KLHL3: variants seen among roughly 807,000 people sequenced by gnomAD.
The protein encoded by KLHL3 is kelch like family member 3, also known as kelch-like protein 3.
Under a neutral mutation model 70.5 loss-of-function variants are expected in KLHL3, and 19 were observed. The observed-to-expected ratio is 0.27, with a 90% CI of 0.19 to 0.40. The LOEUF (loss-of-function observed/expected upper bound fraction) is 0.40, where lower values mean the gene tolerates loss of function less well. Ranked by LOEUF, KLHL3 falls within the 10% of genes least tolerant of loss-of-function variation. The pLI, the probability that KLHL3 is intolerant of heterozygous loss-of-function variation, is 1.00. For missense variants in KLHL3, 512 were observed against 771.1 expected, an observed-to-expected ratio of 0.66 and a Z score of 3.98; for synonymous variants, 258 against 290.3, an observed-to-expected ratio of 0.89 and a Z score of 1.13.
chr5:137,635,499 G>A (rs770042931), intron 11 of KLHL3, among the ~76,000 whole-genome samples: 3 of 152,114 alleles, frequency 2.0e-5, no homozygotes, highest in South Asian at 2.1e-4. Context: ...GGTATTCTTC[G>A]AGGCAGCCAG....
intron 5 of KLHL3, among the ~76,000 whole-genome samples, chr5:137,681,699 T>C (rs889364077): frequency 5.3e-5 from 8 of 152,030 alleles, no homozygotes; most frequent in African/African-American, 1.9e-4. Flanking sequence ...CCTTGAAGGG[T>C]AACTCTCCAA....
intron 8 of KLHL3, among the ~76,000 whole-genome samples, chr5:137,654,901 T>C (rs1175195818): frequency 6.6e-6 from 1 of 152,188 alleles, no homozygotes. Context: ...ACAGGGGTGA[T>C]GGTGGAGCAG....
chr5:137,677,610 G>A lies in KLHL3; in HGVS notation c.571C>T (p.Leu191=). The change falls in exon 6 of 15, where the codon CTG becomes TTG. Residue 191 remains leucine (L), a synonymous_variant. Coordinates refer to ENST00000309755, the MANE Select transcript of KLHL3 (RefSeq NM_017415.3). The part of the protein sequence containing the change: ...EVMLGEEFLS[L]SLDQVCSLIS... Reference sequence around the variant, plus strand: ...AAGCTGCACACCTGGTCCAGACTCAGGCTAAGAAATTCTTCTCCTAGCATC... The same window carrying A: ...AAGCTGCACACCTGGTCCAGACTCAAGCTAAGAAATTCTTCTCCTAGCATC... 1 of 1,610,064 alleles carries A rather than the reference G, an allele frequency of 6.2e-7. No homozygotes were observed. The highest frequency in any genetic ancestry group is 8.5e-7 in the Non-Finnish European group (1 of 1,178,394).
chr5:137,672,743 C>G (rs1053344007), intron 6 of KLHL3: 1 of 152,188 alleles, frequency 6.6e-6, no homozygotes, highest in Non-Finnish European at 1.5e-5. Context: ...AAACTGCACT[C>G]GAACTCAGGA....
Position 137,631,384 on chromosome 5 carries a change from C to T in KLHL3, c.1450+2653G>A, listed in dbSNP as rs528754318. Among the ~76,000 whole-genome samples, 119 of 152,244 alleles carry T rather than the reference C, an allele frequency of 7.8e-4. 1 individual carries two copies. Among genetic ancestry groups the T allele is most frequent in the African/African-American group, 2.7e-3 (111 of 41,526 alleles). On this transcript the variant is annotated intron_variant, in intron 12 of 14. Coordinates refer to ENST00000309755, the MANE Select transcript of KLHL3 (RefSeq NM_017415.3). The stretch of plus-strand genomic sequence containing the variant: ...TCTGACAAAAAGTAGAAGTGGAAAA[C>T]CTTTTGAAAAGTCATTTTCTTCACA...
chr5:137,672,007 T>A (rs1301721398), intron 6 of KLHL3: 1 of 152,252 alleles, frequency 6.6e-6, no homozygotes, highest in East Asian at 1.9e-4. Context: ...TGGTTGGTCA[T>A]GGTAGATTTG....
intron 1 of KLHL3, among the ~76,000 whole-genome samples, chr5:137,727,298 C>T (rs186353031): frequency 8.3e-4 from 127 of 152,222 alleles, no homozygotes; most frequent in Non-Finnish European, 1.4e-3. Flanking sequence ...TATCCCTGCA[C>T]CCCATTTCCT....
At chr5:137,711,178 C>G (rs1440075872) in intron 2 of KLHL3, among the ~76,000 whole-genome samples, 4 of 152,236 alleles carry the variant, frequency 2.6e-5, no homozygotes, top group Non-Finnish European at 1.5e-5. Flanking sequence ...GGAAGAAAAG[C>G]TACATATTTG....
chr5:137,693,955 A>G (rs1752385205), intron 4 of KLHL3, among the ~76,000 whole-genome samples: 1 of 151,578 alleles, frequency 6.6e-6, no homozygotes, highest in Non-Finnish European at 1.5e-5. Context: ...TTATGTACTC[A>G]GGCCAAAAAC....
At chr5:137,715,788 A>T (rs968620656) in intron 2 of KLHL3, among the ~76,000 whole-genome samples, 2 of 152,202 alleles carry the variant, frequency 1.3e-5, no homozygotes, top group Admixed American at 6.5e-5. Flanking sequence ...CTTCTATACA[A>T]ATAATCATGA....
intron 5 of KLHL3, among the ~76,000 whole-genome samples, chr5:137,684,482 T>G (rs1483587991): frequency 6.6e-6 from 1 of 152,134 alleles, no homozygotes; most frequent in Non-Finnish European, 1.5e-5. Context: ...AGGCCATTTC[T>G]CTCCATAAGC....
chr5:137,703,119 G>A lies in KLHL3; in HGVS notation c.242-4711C>T, dbSNP rs1397916055. 5.3e-5 allele frequency among the ~76,000 whole-genome samples: 8 copies of A among 152,136 alleles called. No individual in the cohort carries two copies. The East Asian group carries it at 1.3e-3, about 26-fold the overall frequency. On this transcript the variant is annotated intron_variant, in intron 3 of 14. Coordinates refer to ENST00000309755, the MANE Select transcript of KLHL3 (RefSeq NM_017415.3). ...AGATTGGTTGGCAGGTCTCTCTGAC[G>A]AACACCACAGCTAAACCACCGACCA...
chr5:137,667,055 T>C (rs1270918024), intron 6 of KLHL3, among the ~76,000 whole-genome samples: 1 of 152,206 alleles, frequency 6.6e-6, no homozygotes, highest in Non-Finnish European at 1.5e-5. Context: ...ATAGGTCTAA[T>C]AGCAGGGGGG....
At chr5:137,707,172 T>A (rs569860566) in intron 3 of KLHL3, among the ~76,000 whole-genome samples, 2 of 152,342 alleles carry the variant, frequency 1.3e-5, no homozygotes, top group South Asian at 4.1e-4. Flanking sequence ...CAGTGGCTCA[T>A]GCCTGTAATC....
At chr5:137,679,893 G>T (rs961478522) in intron 5 of KLHL3, among the ~76,000 whole-genome samples, 11 of 152,262 alleles carry the variant, frequency 7.2e-5, no homozygotes, top group Admixed American at 5.2e-4. Flanking sequence ...AGGGATCTGT[G>T]AGGTTTGTAG....
chr5:137,723,168 C>T (rs898743450), intron 1 of KLHL3, among the ~76,000 whole-genome samples: 2 of 152,170 alleles, frequency 1.3e-5, no homozygotes, highest in Non-Finnish European at 2.9e-5. Flanking sequence ...TGTAACAGTA[C>T]CACATGATTT....
intron 2 of KLHL3, among the ~76,000 whole-genome samples, chr5:137,712,156 C>CAAAAAAAAAAAAAAA (rs201519598): frequency 4.0e-5 from 3 of 74,862 alleles, no homozygotes; most frequent in African/African-American, 1.6e-4. Context: ...AAGATTCTGT[C>CAAAAAAAAAAAAAAA]AAAAAAAAAA....
intron 8 of KLHL3, among the ~76,000 whole-genome samples, chr5:137,656,679 T>G (rs989193137): frequency 6.6e-6 from 1 of 152,272 alleles, no homozygotes; most frequent in South Asian, 2.1e-4. Context: ...GTAAGACCAA[T>G]GTCCAGCCAG....
At chr5:137,662,073 A>T in intron 6 of KLHL3, 42 bp from the exon 7 acceptor site, 1 of 922,030 alleles carries the variant, frequency 1.1e-6, no homozygotes, top group Non-Finnish European at 1.7e-6. Context: ...TAAAGAGACA[A>T]AAGCTTTCAA....
Sources: allele counts gnomAD v4.1 joint callset (sites outside exome capture counted in the v4.1 genomes callset), GRCh38; gene constraint gnomAD v4.1.1; transcripts MANE v1.5; gene names NCBI Gene and HGNC (gene_info 2026-07-23, HGNC 2026-07-21).